The following CD38 variants were observed in gnomAD, a reference collection of about 807,000 sequenced individuals.
CD38 encodes CD38 molecule.
Under a neutral mutation model 36.3 loss-of-function variants are expected in CD38, and 31 were observed. That is an observed-to-expected ratio of 0.85 (90% CI 0.64 to 1.15). The LOEUF (loss-of-function observed/expected upper bound fraction) is 1.15, where lower values mean the gene tolerates loss of function less well. CD38 is among the 50% of genes most tolerant of loss of function. The pLI is 0.00. For missense variants in CD38, 380 were observed against 371.9 expected, an observed-to-expected ratio of 1.02 and a Z score of -0.18; for synonymous variants, 131 against 135.2, an observed-to-expected ratio of 0.97 and a Z score of 0.22.
chr4:15,852,248 A>T lies in CD38; in HGVS notation c.*3646A>T, dbSNP rs1407738328. ...GCTATCAAATATTTTGGCAAAACAC[A>T]TTGTTTCTTTGGCTTTGCCTTGGTA... is the stretch of plus-strand genomic sequence containing the variant. On this transcript the variant is annotated 3_prime_UTR_variant, in exon 8 of 8. Coordinates refer to ENST00000226279, the MANE Select transcript of CD38 (RefSeq NM_001775.4). 6.6e-6 allele frequency: 1 copy of T among 152,226 alleles called. No individual in the cohort carries two copies. The highest frequency in any genetic ancestry group is 2.4e-5 in the African/African-American group (1 of 41,444). The allele number at this position is 152,226 out of a possible 1,614,324, so 9.4% of individuals were successfully genotyped here.
At chr4:15,820,461 C>T (rs1249440710) in intron 2 of CD38, among the ~76,000 whole-genome samples, 1 of 152,060 alleles carries the variant, frequency 6.6e-6, no homozygotes, top group East Asian at 1.9e-4. Flanking sequence ...CATGCAAAGA[C>T]ACACATAGGC....
Position 15,834,298 on chromosome 4 carries a change from G to A in CD38, c.581G>A (p.Arg194His), listed in dbSNP as rs138630257. The A allele has an allele frequency of 8.0e-4, 1,279 of 1,603,106 alleles. 4 individuals are homozygous for A. Among genetic ancestry groups the A allele is most frequent in the South Asian group, 2.4e-3 (222 of 90,860 alleles). The change falls in exon 4 of 8, where the codon CGC (arginine) becomes CAC (histidine). Residue 194 changes from arginine to histidine, a missense_variant. Coordinates refer to ENST00000226279, the MANE Select transcript of CD38 (RefSeq NM_001775.4). ...PVSVFWKTVS[R>H]RFAEAACDVV... The stretch of plus-strand genomic sequence containing the variant: ...TCAGTATTCTGGAAAACGGTTTCCC[G>A]CAGGGTAAGTACCAAGTAGTGAAAT...
At chr4:15,783,742 TTCATGTTCATG>T (rs1722747033) in intron 1 of CD38, among the ~76,000 whole-genome samples, 1 of 152,232 alleles carries the variant, frequency 6.6e-6, no homozygotes, top group South Asian at 2.1e-4. Flanking sequence ...TCTTTTCTGA[TTCATGTTCATG>T]TCGATTTCTT....
At chr4:15,824,791 TG>T in intron 2 of CD38, 89 bp from the exon 3 acceptor site, 2 of 982,524 alleles carry the variant, frequency 2.0e-6, no homozygotes, top group South Asian at 1.5e-5. Flanking sequence ...TGATATGCTC[TG>T]TTTTTTTTTT....
chr4:15,834,360 C>T (rs2286553), intron 4 of CD38, 58 bp downstream of exon 4: 50,597 of 998,972 alleles, frequency 0.051, 1,914 homozygotes, highest in East Asian at 0.16. Context: ...TAAGACGTTA[C>T]TCAGTCAGTG....
intron 4 of CD38, among the ~76,000 whole-genome samples, chr4:15,836,114 C>A (rs1724065432): frequency 6.6e-6 from 1 of 152,162 alleles, no homozygotes; most frequent in African/African-American, 2.4e-5. Context: ...ATGTCTTAGT[C>A]CATTTGTGCT....
intron 2 of CD38, among the ~76,000 whole-genome samples, chr4:15,824,548 C>A (rs1256611937): frequency 6.6e-6 from 1 of 151,830 alleles, no homozygotes; most frequent in Admixed American, 6.6e-5. Flanking sequence ...TTGGAGATAA[C>A]CTTAGGAATA....
intron 3 of CD38, among the ~76,000 whole-genome samples, chr4:15,829,041 T>C (rs1723909535): frequency 6.6e-6 from 1 of 152,230 alleles, no homozygotes; most frequent in African/African-American, 2.4e-5. Flanking sequence ...TGTCTCATTG[T>C]GGTTTTAATT....
At chr4:15,836,946 G>A (rs1034649687) in intron 4 of CD38, among the ~76,000 whole-genome samples, 7 of 152,168 alleles carry the variant, frequency 4.6e-5, no homozygotes, top group African/African-American at 1.7e-4. Flanking sequence ...ATGTTTAAAT[G>A]AGATACCACC....
chr4:15,794,883 TAAC>T (rs1334867086), intron 1 of CD38, among the ~76,000 whole-genome samples: 1 of 152,156 alleles, frequency 6.6e-6, no homozygotes, highest in East Asian at 1.9e-4. Flanking sequence ...GGTAAATAAA[TAAC>T]AAAGTAGATA....
At chr4:15,782,749 G>C (rs1263397669) in intron 1 of CD38, among the ~76,000 whole-genome samples, 1 of 152,180 alleles carries the variant, frequency 6.6e-6, no homozygotes, top group East Asian at 1.9e-4. Flanking sequence ...TATTTCTTTA[G>C]AGGTTGTAGC....
chr4:15,839,819 T>G (rs1724162245), intron 5 of CD38, among the ~76,000 whole-genome samples: 1 of 152,196 alleles, frequency 6.6e-6, no homozygotes, highest in South Asian at 2.1e-4. Context: ...TCAACATTAA[T>G]GCACAAATTA....
chr4:15,823,813 G>T (rs928801546), intron 2 of CD38, among the ~76,000 whole-genome samples: 34 of 152,046 alleles, frequency 2.2e-4, no homozygotes, highest in Non-Finnish European at 4.3e-4. Flanking sequence ...CCATTACTGG[G>T]TATAATAGAA....
intron 1 of CD38, among the ~76,000 whole-genome samples, chr4:15,795,575 A>G (rs1723089152): frequency 6.6e-6 from 1 of 152,178 alleles, no homozygotes; most frequent in Non-Finnish European, 1.5e-5. Context: ...GCCCCCAAGT[A>G]GAATTCTAAA....
intron 1 of CD38, among the ~76,000 whole-genome samples, chr4:15,814,255 A>C (rs1723534515): frequency 6.6e-6 from 1 of 152,214 alleles, no homozygotes. Context: ...TCTTTTGAGA[A>C]GCATCTGTTA....
At chr4:15,826,524 A>G (rs952299387) in intron 3 of CD38, among the ~76,000 whole-genome samples, 21 of 152,044 alleles carry the variant, frequency 1.4e-4, no homozygotes, top group African/African-American at 4.6e-4. Flanking sequence ...ATAAATTTTT[A>G]TAAATGAAAC....
intron 4 of CD38, among the ~76,000 whole-genome samples, chr4:15,834,635 G>T (rs936633481): frequency 6.6e-6 from 1 of 152,116 alleles, no homozygotes; most frequent in Non-Finnish European, 1.5e-5. Flanking sequence ...CAATCTACAT[G>T]TATAGACCCC....
intron 1 of CD38, among the ~76,000 whole-genome samples, chr4:15,780,586 A>C: frequency 6.7e-6 from 1 of 149,916 alleles, no homozygotes; most frequent in African/African-American, 2.5e-5. Flanking sequence ...TTACAGCCAC[A>C]TCCCTGAAAT....
At chr4:15,813,326 G>C (rs1723514104) in intron 1 of CD38, among the ~76,000 whole-genome samples, 1 of 152,030 alleles carries the variant, frequency 6.6e-6, no homozygotes, top group African/African-American at 2.4e-5. Context: ...CATCACAAGA[G>C]TGTTGGATTT....
Sources: gnomAD v4.1 joint callset for allele counts (sites outside exome capture counted in the v4.1 genomes callset) on GRCh38, gnomAD v4.1.1 for gene constraint, MANE v1.5 for transcripts, NCBI Gene and HGNC (gene_info 2026-07-23, HGNC 2026-07-21) for gene names.